The following DNA2 variants were observed in gnomAD, a reference collection of about 807,000 sequenced individuals.
DNA2 encodes DNA replication helicase/nuclease 2, also known as DNA replication ATP-dependent helicase/nuclease DNA2.
Under a neutral mutation model 119.1 loss-of-function variants are expected in DNA2, and 101 were observed. The observed-to-expected ratio is 0.85, with a 90% CI of 0.72 to 1.00. The LOEUF is 1.00. DNA2 is among the 50% of genes least tolerant of loss of function. The pLI is 0.00. For missense variants in DNA2, 1,121 were observed against 1,255.5 expected (o/e 0.89, Z 1.62); for synonymous variants, 366 against 424.4 (o/e 0.86, Z 1.69).
intron 9 of DNA2, among the ~76,000 whole-genome samples, chr10:68,440,306 A>AT (rs1191208258): frequency 2.0e-5 from 3 of 151,812 alleles, no homozygotes; most frequent in Non-Finnish European, 4.4e-5. Context: ...TTATTTATTT[A>AT]TTTATTTTTT....
chr10:68,431,864 G>T lies in DNA2; in HGVS notation c.1981C>A (p.Leu661Ile). Residue 661 changes from leucine (L) to isoleucine (I), a missense_variant and splice_region_variant, in exon 13 of 21, where the codon CTC becomes ATC. Coordinates refer to ENST00000358410, the MANE Select transcript of DNA2 (RefSeq NM_001080449.3). ...GTGKTTTICTLVRILYACGFS... is the reference protein window; with the variant it reads ...GTGKTTTICTIVRILYACGFS... ...AAGCAGAAGAATAATAACCTTACGA[G>T]AGTACATATCGTAGTTGTTTTTCCT... 2 of 1,594,210 alleles carry T rather than the reference G, an allele frequency of 1.3e-6. No individual in the cohort carries two copies. The highest frequency in any genetic ancestry group is 1.7e-6 in the Non-Finnish European group (2 of 1,162,666).
At chr10:68,432,020 G>A (rs1447269894) in intron 12 of DNA2, 49 bp from the exon 13 acceptor site, 1 of 1,423,596 alleles carries the variant, frequency 7.0e-7, no homozygotes, top group East Asian at 2.3e-5. Context: ...GAATTTCAAA[G>A]GAAAAGTTAA....
In DNA2 at chr10:68,468,038, G is replaced by T. The variant is rs1264548009; in HGVS notation, c.441+85C>A. ...TACCATTTATTTTATAGGGTTGCTG[G>T]GAGGATTAAGTGAAATAATAAATGT... On this transcript the variant is annotated intron_variant, in intron 3 of 20. Transcript: ENST00000358410. The T allele has an allele frequency of 4.9e-6, 5 of 1,012,224 alleles. No homozygotes were observed. The South Asian group carries it at 1.2e-4, about 25-fold the overall frequency. The allele number at this position is 1,012,224 out of a possible 1,614,324, so 62.7% of individuals were successfully genotyped here.
In DNA2 at chr10:68,459,247, A is replaced by G; in HGVS notation, c.588-12T>C. The G allele has an allele frequency of 6.5e-7, 1 of 1,534,134 alleles. No individual in the cohort carries two copies. Among genetic ancestry groups the G allele is most frequent in the African/African-American group, 1.4e-5 (1 of 72,402 alleles). ...GATTTAAGCGGTACCTGCCAAAAAT[A>G]TAATAGTAAATAGACTTAGACTTAA... On this transcript the variant is annotated splice_polypyrimidine_tract_variant and intron_variant, in intron 4 of 20. Transcript: ENST00000358410.
At chr10:68,460,908 T>TAAA (rs34510623) in intron 4 of DNA2, among the ~76,000 whole-genome samples, 21 of 143,558 alleles carry the variant, frequency 1.5e-4, no homozygotes, top group Middle Eastern at 3.7e-3. Flanking sequence ...AGACCCTGTT[T>TAAA]AAAAAAAAAA....
At chr10:68,415,842 C>CG (rs1289900234) in intron 20 of DNA2, among the ~76,000 whole-genome samples, 1 of 151,712 alleles carries the variant, frequency 6.6e-6, no homozygotes, top group African/African-American at 2.4e-5. Context: ...TTAGTAGAGA[C>CG]GGGGTTTCAC....
intron 10 of DNA2, among the ~76,000 whole-genome samples, chr10:68,433,492 T>C (rs1241818788): frequency 6.6e-6 from 1 of 152,122 alleles, no homozygotes; most frequent in Non-Finnish European, 1.5e-5. Context: ...TTAAAACCTT[T>C]CAATACAATT....
At chr10:68,437,885 T>C (rs923316845) in intron 9 of DNA2, among the ~76,000 whole-genome samples, 3 of 152,068 alleles carry the variant, frequency 2.0e-5, no homozygotes, top group Admixed American at 6.6e-5. Context: ...TAATTTTTTA[T>C]ATTTTTAGTA....
At chr10:68,456,598 G>A (rs1260559326) in intron 5 of DNA2, among the ~76,000 whole-genome samples, 1 of 151,934 alleles carries the variant, frequency 6.6e-6, no homozygotes, top group East Asian at 1.9e-4. Flanking sequence ...ATTTTTAGTA[G>A]AGATGGTGTT....
At chr10:68,435,250 T>C (rs1351676533) in intron 10 of DNA2, among the ~76,000 whole-genome samples, 2 of 152,040 alleles carry the variant, frequency 1.3e-5, no homozygotes, top group South Asian at 2.1e-4. Flanking sequence ...GTTTTACTTA[T>C]GTTGCCCAGG....
rs1291466229 is a variant in DNA2, at chr10:68,415,151, G to A, written c.3115-44C>T. 1.3e-5 allele frequency: 15 copies of A among 1,199,184 alleles called. No individual in the cohort carries two copies. In the South Asian group the frequency reaches 1.8e-4, roughly 15 times the overall value. 74.3% of individuals were successfully genotyped at this position (1,199,184 alleles called of 1,614,324 possible). On this transcript the variant is annotated intron_variant, in intron 20 of 20. Coordinates refer to ENST00000358410, the MANE Select transcript of DNA2 (RefSeq NM_001080449.3). ...GAAATATTTAGCACAATATGGAATG[G>A]CATAAATTTATGACATTATTATTTA...
chr10:68,433,107 C>T (rs2051843176), intron 10 of DNA2, among the ~76,000 whole-genome samples: 1 of 152,134 alleles, frequency 6.6e-6, no homozygotes, highest in African/African-American at 2.4e-5. Context: ...TAAACCCAGG[C>T]TGTGAAAGCA....
At chr10:68,437,501 T>G (rs567897904) in intron 9 of DNA2, among the ~76,000 whole-genome samples, 9 of 148,876 alleles carry the variant, frequency 6.0e-5, no homozygotes, top group Admixed American at 2.7e-4. Flanking sequence ...AAATAAAAAA[T>G]TAGCCAGGTG....
chr10:68,441,887 C>G (rs2133395887), intron 9 of DNA2, among the ~76,000 whole-genome samples: 1 of 152,084 alleles, frequency 6.6e-6, no homozygotes, highest in Non-Finnish European at 1.5e-5. Context: ...AATGTTATCA[C>G]CGATGAAAAA....
chr10:68,468,725 T>C (rs2052353404), intron 2 of DNA2, among the ~76,000 whole-genome samples: 1 of 152,128 alleles, frequency 6.6e-6, no homozygotes, highest in Non-Finnish European at 1.5e-5. Flanking sequence ...TGAAGCCAAA[T>C]CCAGTGTAGC....
rs142420844 is a variant in DNA2, at chr10:68,429,882, ATT to A, written c.2208+552_2208+553del. 9.3e-4 allele frequency among the ~76,000 whole-genome samples: 115 copies of A among 123,600 alleles called. 1 individual carries two copies. The Middle Eastern group carries it at 0.013, about 14-fold the overall frequency. 81.1% of individuals were successfully genotyped at this position (123,600 alleles called of 152,430 possible). A position where few individuals can be genotyped will look rare whatever the true frequency, so the allele number is the denominator to read the frequency against. On this transcript the variant is annotated intron_variant, in intron 14 of 20. Transcript: ENST00000358410. ...AATTCAAACTTACTAAAAAACCCGG[ATT>A]TTTTTTTTTTTTTTTTGAGCTGGAG...
chr10:68,432,183 C>A, intron 12 of DNA2, 23 bp downstream of exon 12: 1 of 1,457,450 alleles, frequency 6.9e-7, no homozygotes, highest in South Asian at 1.2e-5. Context: ...TTAATCAAAG[C>A]AGACATGGTG....
intron 14 of DNA2, among the ~76,000 whole-genome samples, chr10:68,427,498 T>C (rs1249681145): frequency 6.6e-6 from 1 of 151,096 alleles, no homozygotes. Flanking sequence ...ATTGAAAATA[T>C]TAGGCAGGCA....
In DNA2 at chr10:68,422,832, AAAAT is replaced by A; in HGVS notation, c.2263_2266del (p.Ile755LeufsTer29). ...GGCTTCATCCACAATACAAAAATCA[AAAAT>A]TTTACGGGAAAATATTGGATGGTTT... On this transcript the variant is annotated frameshift_variant, in exon 15 of 21. Transcript: ENST00000358410. LOFTEE classifies it high-confidence loss of function. The A allele has an allele frequency of 6.2e-7, 1 of 1,608,670 alleles. No individual in the cohort carries two copies. The highest frequency in any genetic ancestry group is 8.5e-7 in the Non-Finnish European group (1 of 1,178,768).
Sources: gnomAD v4.1 joint callset for allele counts (sites outside exome capture counted in the v4.1 genomes callset) on GRCh38, gnomAD v4.1.1 for gene constraint, MANE v1.5 for transcripts, NCBI Gene and HGNC (gene_info 2026-07-23, HGNC 2026-07-21) for gene names.